The following CYP20A1 variants were observed in gnomAD, a reference collection of about 807,000 sequenced individuals.
The protein encoded by CYP20A1 is cytochrome P450 family 20 subfamily A member 1, also known as cytochrome P450 20A1.
In CYP20A1, 61 loss-of-function variants were observed where a neutral mutation model predicts 61.4. The observed-to-expected ratio is 0.99, with a 90% CI of 0.81 to 1.23. The LOEUF (loss-of-function observed/expected upper bound fraction) is 1.23. Ranked by LOEUF, CYP20A1 falls within the 50% of genes most tolerant of loss-of-function variation. The probability of loss-of-function intolerance (pLI) is 0.00; values close to 1 mark genes in which losing one functional copy is unlikely to be tolerated. For synonymous variants in CYP20A1, 193 were observed against 188.2 expected (o/e 1.03, Z -0.21); for missense variants, 530 against 542.4 (o/e 0.98, Z 0.23).
intron 5 of CYP20A1, among the ~76,000 whole-genome samples, chr2:203,269,497 C>T (rs372627232): frequency 2.9e-4 from 41 of 139,492 alleles, no homozygotes; most frequent in African/African-American, 8.2e-4. Context: ...ATATATAGTT[C>T]TTTTTTTTTT....
intron 1 of CYP20A1, among the ~76,000 whole-genome samples, chr2:203,243,886 C>T (rs1037658422): frequency 1.2e-4 from 18 of 151,962 alleles, no homozygotes; most frequent in African/African-American, 4.1e-4. Context: ...GACGGGGTTT[C>T]CCCGTGTTGC....
intron 4 of CYP20A1, among the ~76,000 whole-genome samples, chr2:203,257,012 AT>A (rs566947660): frequency 4.0e-5 from 6 of 151,406 alleles, no homozygotes; most frequent in African/African-American, 1.2e-4. Context: ...TAAAATTAAG[AT>A]TTTTTTTTGT....
In CYP20A1 at chr2:203,256,079, C is replaced by T. The variant is rs1004458747; in HGVS notation, c.432+3970C>T. Among the ~76,000 whole-genome samples the T allele has an allele frequency of 2.0e-5, 3 of 152,110 alleles. No individual in the cohort carries two copies. In the South Asian group the frequency reaches 6.2e-4, roughly 32 times the overall value. ...CCTGGGCCCACGGGATCCTCCCACC[C>T]CAGCCGCCTGAGTAGCTGGGATTAC... On this transcript the variant is annotated intron_variant, in intron 4 of 12. Transcript: ENST00000356079.
chr2:203,260,321 C>T (rs2067086498), intron 4 of CYP20A1, among the ~76,000 whole-genome samples: 1 of 152,084 alleles, frequency 6.6e-6, no homozygotes, highest in Non-Finnish European at 1.5e-5. Flanking sequence ...CTCGCGGGTT[C>T]AAGCAGTTCT....
rs935298978 is a variant in CYP20A1 at position 203,288,803 on chromosome 2, T to C, written c.972-962T>C. On this transcript the variant is annotated intron_variant, in intron 9 of 12. Transcript: ENST00000356079. ...GACAGTGGTTAAGATTTGAATCCTG[T>C]GACACACAACTTACCTGCTGTGTGA... Among the ~76,000 whole-genome samples, 10 of 152,186 alleles carry C rather than the reference T, an allele frequency of 6.6e-5. 1 individual carries two copies.
Position 203,268,107 on chromosome 2 carries a change from CATCT to C in CYP20A1, c.600+1438_600+1441del, listed in dbSNP as rs373101682. Among the ~76,000 whole-genome samples the C allele has an allele frequency of 1.1e-3, 163 of 152,196 alleles. No homozygotes were observed. The East Asian group carries it at 0.017, about 16-fold the overall frequency. On this transcript the variant is annotated intron_variant, in intron 5 of 12. Coordinates refer to ENST00000356079, the MANE Select transcript of CYP20A1 (RefSeq NM_177538.3). The stretch of plus-strand genomic sequence containing the variant: ...CATTCATCTTCTATCTTTATCTATC[CATCT>C]ATCTATCTATCCATCCATTCCTCCC...
At chr2:203,293,194 T>A (rs1432669776) in intron 11 of CYP20A1, among the ~76,000 whole-genome samples, 1 of 141,866 alleles carries the variant, frequency 7.0e-6, no homozygotes, top group Non-Finnish European at 1.5e-5. Context: ...AAAAAATTTT[T>A]AAAAAAGCAG....
chr2:203,258,248 T>C (rs1343778235), intron 4 of CYP20A1, among the ~76,000 whole-genome samples: 1 of 152,206 alleles, frequency 6.6e-6, no homozygotes, highest in Non-Finnish European at 1.5e-5. Flanking sequence ...AAGCTGGGCA[T>C]AGTGGCACAT....
intron 5 of CYP20A1, among the ~76,000 whole-genome samples, chr2:203,267,968 G>A (rs1461251918): frequency 6.6e-6 from 1 of 151,506 alleles, no homozygotes; most frequent in Non-Finnish European, 1.5e-5. Context: ...CCTCAAAATA[G>A]AAATAATTTC....
rs1257641910 is a variant in CYP20A1 at position 203,303,619 on chromosome 2, C to T, written c.*6711C>T. The stretch of plus-strand genomic sequence containing the variant: ...CTGAGGCAGGAGAATCGCTTGAACC[C>T]AAGAGTCGGAGGTTGCAGTGAGCCG... On this transcript the variant is annotated 3_prime_UTR_variant, in exon 13 of 13. Transcript: ENST00000356079. 6.6e-6 allele frequency among the ~76,000 whole-genome samples: 1 copy of T among 151,676 alleles called. No individual in the cohort carries two copies. Among genetic ancestry groups the T allele is most frequent in the Non-Finnish European group, 1.5e-5 (1 of 67,938 alleles).
chr2:203,245,900 GTAAT>G lies in CYP20A1; in HGVS notation c.122+8_122+11del, dbSNP rs2066444053. 1.3e-6 allele frequency: 2 copies of G among 1,575,002 alleles called. No individual in the cohort carries two copies. Among genetic ancestry groups the G allele is most frequent in the Non-Finnish European group, 8.7e-7 (1 of 1,149,156 alleles). The stretch of plus-strand genomic sequence containing the variant: ...GATTACTCCAACTGAAGAAAAGTGA[GTAAT>G]TATTTTCTTGGAATTAAGTAGAGTT... On this transcript the variant is annotated splice_donor_region_variant and intron_variant, in intron 2 of 12. Transcript: ENST00000356079.
chr2:203,262,974 G>A (rs1218798823), intron 4 of CYP20A1, among the ~76,000 whole-genome samples: 1 of 149,876 alleles, frequency 6.7e-6, no homozygotes, highest in Admixed American at 6.7e-5. Flanking sequence ...CACTGTGCCC[G>A]GCAAGTGCTT....
In CYP20A1 at chr2:203,304,703, A is replaced by G. The variant is rs984585270; in HGVS notation, c.*7795A>G. ...GTAATCCCAACACTTGGAGAGGCCA[A>G]GTCAGGCTTATTGGGTGAGTCCAGG... On this transcript the variant is annotated 3_prime_UTR_variant, in exon 13 of 13. Transcript: ENST00000356079. Among the ~76,000 whole-genome samples the G allele has an allele frequency of 1.3e-5, 2 of 152,216 alleles. No individual in the cohort carries two copies. Among genetic ancestry groups the G allele is most frequent in the Non-Finnish European group, 2.9e-5 (2 of 68,042 alleles).
intron 3 of CYP20A1, among the ~76,000 whole-genome samples, chr2:203,250,532 G>A (rs1428400464): frequency 6.6e-6 from 1 of 152,010 alleles, no homozygotes; most frequent in East Asian, 1.9e-4. Flanking sequence ...AAAAAAGATT[G>A]TGCTTTTAAT....
intron 4 of CYP20A1, among the ~76,000 whole-genome samples, chr2:203,260,328 T>C (rs10207012): frequency 6.6e-6 from 1 of 152,096 alleles, no homozygotes; most frequent in Non-Finnish European, 1.5e-5. Context: ...GTTCAAGCAG[T>C]TCTTGTGCCT....
At chr2:203,246,311 C>A (rs868373421) in intron 2 of CYP20A1, among the ~76,000 whole-genome samples, 1 of 152,090 alleles carries the variant, frequency 6.6e-6, no homozygotes, top group African/African-American at 2.4e-5. Context: ...AAAGGAGGGT[C>A]GTGTAAATCA....
chr2:203,280,407 C>CA (rs910431238), intron 8 of CYP20A1, among the ~76,000 whole-genome samples: 2 of 151,620 alleles, frequency 1.3e-5, no homozygotes, highest in African/African-American at 2.4e-5. Flanking sequence ...GACCCTGTCT[C>CA]AAAAAAAACA....
rs1009313605 is a variant in CYP20A1, at chr2:203,299,815, G to A, written c.*2907G>A. ...CTTGAACCTGGGAGGCAGAGGTTGC[G>A]GTGAGCCAAGATCGCGCCATTGCAC... On this transcript the variant is annotated 3_prime_UTR_variant, in exon 13 of 13. Transcript: ENST00000356079. 8.6e-5 allele frequency among the ~76,000 whole-genome samples: 13 copies of A among 151,888 alleles called. No homozygotes were observed. The highest frequency in any genetic ancestry group is 2.1e-4 in the South Asian group (1 of 4,814).
chr2:203,258,790 A>G (rs1381134942), intron 4 of CYP20A1, among the ~76,000 whole-genome samples: 1 of 152,118 alleles, frequency 6.6e-6, no homozygotes, highest in Non-Finnish European at 1.5e-5. Context: ...TTTGTTTGCC[A>G]TAGCTGTTCC....
Sources: gnomAD v4.1 joint callset for allele counts (sites outside exome capture counted in the v4.1 genomes callset) on GRCh38, gnomAD v4.1.1 for gene constraint, MANE v1.5 for transcripts, NCBI Gene and HGNC (gene_info 2026-07-23, HGNC 2026-07-21) for gene names.